The following PRKCA variants were observed in gnomAD, a reference collection of about 807,000 sequenced individuals.
The protein encoded by PRKCA is protein kinase C alpha type.
Under a neutral mutation model 87.0 loss-of-function variants are expected in PRKCA, and 27 were observed. That is an observed-to-expected ratio of 0.31 (90% CI 0.23 to 0.43). The LOEUF is 0.43. Among genes scored for constraint, PRKCA ranks in the 20% least tolerant of loss-of-function variants. PRKCA has a pLI of 1.00. For missense variants in PRKCA, 518 were observed against 852.3 expected (o/e 0.61, Z 4.88); for synonymous variants, 329 against 311.1 (o/e 1.06, Z -0.61).
chr17:66,358,350 C>T (rs776301605), intron 2 of PRKCA, among the ~76,000 whole-genome samples: 2 of 152,106 alleles, frequency 1.3e-5, no homozygotes, highest in Non-Finnish European at 2.9e-5. Flanking sequence ...CTTAACTGAT[C>T]ACTTAATTGA....
At chr17:66,461,783 T>A (rs1275924293) in intron 2 of PRKCA, among the ~76,000 whole-genome samples, 1 of 152,106 alleles carries the variant, frequency 6.6e-6, no homozygotes, top group East Asian at 1.9e-4. Flanking sequence ...TGGTGGCCCA[T>A]GAGTTAATTG....
chr17:66,724,902 G>T (rs1472413721), intron 8 of PRKCA, among the ~76,000 whole-genome samples: 1 of 152,216 alleles, frequency 6.6e-6, no homozygotes, highest in African/African-American at 2.4e-5. Flanking sequence ...CTGCTGGGAG[G>T]CCAGTTGCCA....
At chr17:66,392,209 G>A (rs1016725351) in intron 2 of PRKCA, among the ~76,000 whole-genome samples, 3 of 147,668 alleles carry the variant, frequency 2.0e-5, no homozygotes, top group African/African-American at 2.5e-5. Context: ...CAGCCTGGGC[G>A]ACAGAGCAAG....
intron 14 of PRKCA, among the ~76,000 whole-genome samples, chr17:66,780,280 C>T (rs1171876272): frequency 6.6e-6 from 1 of 152,168 alleles, no homozygotes; most frequent in Admixed American, 6.5e-5. Flanking sequence ...CGCATCACCT[C>T]AATGGCATTC....
intron 8 of PRKCA, among the ~76,000 whole-genome samples, chr17:66,693,663 G>A (rs1463748912): frequency 6.6e-6 from 1 of 152,170 alleles, no homozygotes; most frequent in Non-Finnish European, 1.5e-5. Context: ...TTGCGTTAGA[G>A]GCAGTGCAGA....
chr17:66,668,500 C>G (rs907281766), intron 5 of PRKCA, among the ~76,000 whole-genome samples: 3 of 152,166 alleles, frequency 2.0e-5, no homozygotes, highest in African/African-American at 7.2e-5. Flanking sequence ...AAAACACACT[C>G]GTCATTGGAC....
At chr17:66,604,321 C>T (rs1970148325) in intron 3 of PRKCA, among the ~76,000 whole-genome samples, 1 of 152,032 alleles carries the variant, frequency 6.6e-6, no homozygotes, top group Non-Finnish European at 1.5e-5. Context: ...TTATGCAAAT[C>T]CCAGATTAGT....
At chr17:66,483,312 T>TC (rs1252830460) in intron 2 of PRKCA, among the ~76,000 whole-genome samples, 6 of 151,938 alleles carry the variant, frequency 3.9e-5, no homozygotes, top group Non-Finnish European at 8.8e-5. Context: ...GTTCCATGAC[T>TC]CCCCCTGGCT....
intron 16 of PRKCA, among the ~76,000 whole-genome samples, chr17:66,800,560 C>G (rs1975878014): frequency 1.3e-5 from 2 of 152,168 alleles, no homozygotes; most frequent in African/African-American, 4.8e-5. Context: ...TTCTGTGGTC[C>G]CCTTTTTAGA....
intron 9 of PRKCA, among the ~76,000 whole-genome samples, chr17:66,734,907 A>G (rs1176124265): frequency 6.6e-6 from 1 of 152,128 alleles, no homozygotes; most frequent in African/African-American, 2.4e-5. Flanking sequence ...TGTTGTTACT[A>G]TTTCTCAGTG....
At chr17:66,782,509 G>C (rs989161982) in intron 14 of PRKCA, among the ~76,000 whole-genome samples, 43 of 152,250 alleles carry the variant, frequency 2.8e-4, no homozygotes, top group African/African-American at 1.0e-3. Flanking sequence ...CAGCAGCTGG[G>C]AAGGAGGGAG....
intron 8 of PRKCA, among the ~76,000 whole-genome samples, chr17:66,714,760 A>C (rs1973432062): frequency 6.6e-6 from 1 of 152,094 alleles, no homozygotes; most frequent in East Asian, 1.9e-4. Context: ...CAGTGCCTTT[A>C]CTGGTGTCCC....
At chr17:66,441,513 A>T (rs1251582625) in intron 2 of PRKCA, among the ~76,000 whole-genome samples, 1 of 152,116 alleles carries the variant, frequency 6.6e-6, no homozygotes, top group Non-Finnish European at 1.5e-5. Context: ...TTGCTCATGT[A>T]TTTGAAAACC....
chr17:66,665,548 C>T (rs1486924248), intron 5 of PRKCA, among the ~76,000 whole-genome samples: 2 of 152,064 alleles, frequency 1.3e-5, no homozygotes, highest in African/African-American at 4.8e-5. Flanking sequence ...CCTGAGTAGA[C>T]CTGCTAAGCA....
chr17:66,375,661 C>T (rs1427309252), intron 2 of PRKCA, among the ~76,000 whole-genome samples: 1 of 152,076 alleles, frequency 6.6e-6, no homozygotes, highest in Non-Finnish European at 1.5e-5. Flanking sequence ...GTCTTTTCTG[C>T]CAATATTTAA....
chr17:66,686,715 G>A (rs1424456964), intron 5 of PRKCA, among the ~76,000 whole-genome samples: 4 of 152,138 alleles, frequency 2.6e-5, no homozygotes, highest in Admixed American at 6.5e-5. Flanking sequence ...TGGGCTGGTC[G>A]CTTCCATGCA....
intron 3 of PRKCA, among the ~76,000 whole-genome samples, chr17:66,531,680 C>G (rs1469701936): frequency 1.3e-5 from 2 of 152,178 alleles, no homozygotes; most frequent in Non-Finnish European, 2.9e-5. Flanking sequence ...ACTGCTGTCT[C>G]CCTTCAAGGG....
chr17:66,785,231 G>A (rs1975351035), intron 14 of PRKCA, among the ~76,000 whole-genome samples: 1 of 152,162 alleles, frequency 6.6e-6, no homozygotes. Flanking sequence ...GGATGAACAG[G>A]TTGAGGTGAT....
chr17:66,781,887 A>ATATATATATATAGT (rs767300220), intron 14 of PRKCA, among the ~76,000 whole-genome samples: 23 of 125,616 alleles, frequency 1.8e-4, no homozygotes, highest in African/African-American at 6.9e-4. Context: ...ATATATATAT[A>ATATATATATATAGT]GTGTGTGTGT....
Sources: gnomAD v4.1 joint callset for allele counts (sites outside exome capture counted in the v4.1 genomes callset) on GRCh38, gnomAD v4.1.1 for gene constraint, MANE v1.5 for transcripts, NCBI Gene and HGNC (gene_info 2026-07-23, HGNC 2026-07-21) for gene names.